Variants in NFIB observed in about 807,000 individuals in gnomAD.
The protein encoded by NFIB is nuclear factor 1 B-type.
A neutral mutation model predicts 61.5 loss-of-function variants in NFIB; 11 were observed. The observed-to-expected ratio is 0.18, with a 90% CI of 0.11 to 0.30. The LOEUF (loss-of-function observed/expected upper bound fraction) is 0.30, where lower values mean the gene tolerates loss of function less well. NFIB is among the 10% of genes least tolerant of loss of function. The pLI, the probability that NFIB is intolerant of heterozygous loss-of-function variation, is 1.00. For missense variants in NFIB, 471 were observed against 608.9 expected (o/e 0.77, Z 2.38); for synonymous variants, 260 against 216.5 (o/e 1.20, Z -1.76).
intron 3 of NFIB, among the ~76,000 whole-genome samples, chr9:14,168,358 G>T (rs1415057501): frequency 1.3e-5 from 2 of 152,176 alleles, no homozygotes; most frequent in Non-Finnish European, 2.9e-5. Flanking sequence ...AGATAAAATA[G>T]TGCACTAAAT....
intron 7 of NFIB, 146 bp downstream of exon 7, chr9:14,125,486 A>G (rs1266542618): frequency 1.1e-5 from 13 of 1,177,824 alleles, no homozygotes; most frequent in Admixed American, 2.4e-5. Context: ...AGAAGAAAAA[A>G]TACTTGATCG....
chr9:14,363,636 C>CATATATATGTGCATGT (rs1554717206), intron 1 of NFIB, among the ~76,000 whole-genome samples: 2 of 121,612 alleles, frequency 1.6e-5, no homozygotes, highest in Non-Finnish European at 3.4e-5. Context: ...TGTACATATA[C>CATATATATGTGCATGT]ATATATATGT....
chr9:14,298,662 GGTGT>G (rs2059580741), intron 2 of NFIB, among the ~76,000 whole-genome samples: 18 of 152,196 alleles, frequency 1.2e-4, no homozygotes, highest in Admixed American at 9.2e-4. Flanking sequence ...TGAATCCACT[GGTGT>G]GTAAAGGGCG....
the NFIB span, among the ~76,000 whole-genome samples, chr9:14,488,994 C>G: frequency 1.3e-5 from 2 of 152,128 alleles, no homozygotes; most frequent in Non-Finnish European, 2.9e-5. Context: ...ACAGCTGTCT[C>G]TTGAAATTGT....
chr9:14,146,722 C>G lies in NFIB; in HGVS notation c.892G>C (p.Ala298Pro). The change falls in exon 6 of 11, where the codon GCT (alanine) becomes CCT (proline). Residue 298 changes from alanine (A) to proline (P), a missense_variant. By Grantham distance (27) the Ala-to-Pro change is conservative (BLOSUM62 -1). This residue lies in a region of NFIB where 372 missense variants were observed against 395.6 expected (regional missense o/e 0.94). Transcript: ENST00000380953. The part of the protein sequence containing the change: ...DFYPSPSSPA[A>P]GSRTWHERDQ... ...CTTTCGTGCCATGTTCGACTTCCAG[C>G]AGCTGGTGAACTTGGAGAGGGGTAA... 1 of 1,612,730 alleles carries G rather than the reference C, an allele frequency of 6.2e-7. No homozygotes were observed. The highest frequency in any genetic ancestry group is 8.5e-7 in the Non-Finnish European group (1 of 1,179,450).
chr9:14,401,150 G>A (rs2061739348), upstream of NFIB, among the ~76,000 whole-genome samples: 1 of 152,162 alleles, frequency 6.6e-6, no homozygotes, highest in Admixed American at 6.5e-5. Flanking sequence ...AAGGCTCATT[G>A]GAGAATAAAC....
chr9:14,217,591 T>A, intron 2 of NFIB, among the ~76,000 whole-genome samples: 1 of 136,170 alleles, frequency 7.3e-6, no homozygotes, highest in East Asian at 2.2e-4. Flanking sequence ...ACCCAGGAAG[T>A]GGAGGTTGCG....
intron 2 of NFIB, among the ~76,000 whole-genome samples, chr9:14,226,246 A>G (rs769392762): frequency 1.2e-4 from 19 of 152,106 alleles, no homozygotes; most frequent in Non-Finnish European, 2.2e-4. Context: ...AGGTAAAACG[A>G]CCATCAACAA....
the NFIB span, among the ~76,000 whole-genome samples, chr9:14,467,416 A>G: frequency 6.6e-6 from 1 of 152,020 alleles, no homozygotes; most frequent in Admixed American, 6.6e-5. Context: ...TGGGTGAGAC[A>G]GTGATTAGAG....
At chr9:14,177,522 T>C (rs2046319058) in intron 3 of NFIB, among the ~76,000 whole-genome samples, 1 of 152,118 alleles carries the variant, frequency 6.6e-6, no homozygotes, top group Admixed American at 6.5e-5. Flanking sequence ...TTCATAGTAT[T>C]ATAATACACA....
intron 2 of NFIB, among the ~76,000 whole-genome samples, chr9:14,216,822 C>T (rs1284420265): frequency 6.6e-6 from 1 of 152,178 alleles, no homozygotes; most frequent in South Asian, 2.1e-4. Context: ...AATAAGCATA[C>T]TTTTCTGATG....
chr9:14,294,626 G>C (rs986286039), intron 2 of NFIB, among the ~76,000 whole-genome samples: 1 of 152,166 alleles, frequency 6.6e-6, no homozygotes, highest in Non-Finnish European at 1.5e-5. Flanking sequence ...TAAAAATTAT[G>C]TGCCAGAATC....
chr9:14,461,322 G>A, the NFIB span, among the ~76,000 whole-genome samples: 1 of 152,210 alleles, frequency 6.6e-6, no homozygotes, highest in African/African-American at 2.4e-5. Context: ...AATGGGAATG[G>A]AGGAACACAG....
At chr9:14,176,499 T>C (rs2046208368) in intron 3 of NFIB, among the ~76,000 whole-genome samples, 1 of 152,044 alleles carries the variant, frequency 6.6e-6, no homozygotes. Flanking sequence ...AAGTCACAAA[T>C]CGTTTAAAGA....
chr9:14,376,838 A>G (rs977118905), intron 1 of NFIB, among the ~76,000 whole-genome samples: 1 of 151,810 alleles, frequency 6.6e-6, no homozygotes, highest in Non-Finnish European at 1.5e-5. Flanking sequence ...ATTTTTTTTA[A>G]AAAAAGAGAG....
intron 2 of NFIB, among the ~76,000 whole-genome samples, chr9:14,210,973 G>A (rs1165335828): frequency 2.0e-5 from 3 of 152,206 alleles, no homozygotes; most frequent in Admixed American, 6.5e-5. Context: ...GGTTGAAACC[G>A]TACTGAATTT....
At chr9:14,260,488 G>A (rs1008543462) in intron 2 of NFIB, among the ~76,000 whole-genome samples, 3 of 152,074 alleles carry the variant, frequency 2.0e-5, no homozygotes, top group East Asian at 3.9e-4. Context: ...TACTTTTGTC[G>A]GACTCCAGGA....
intron 10 of NFIB, 48 bp from the exon 11 acceptor site, chr9:14,088,374 T>G: frequency 6.8e-7 from 1 of 1,474,382 alleles, no homozygotes; most frequent in South Asian, 1.4e-5. Context: ...AAGAAAAAAA[T>G]ACAATGTTAA....
intron 10 of NFIB, among the ~76,000 whole-genome samples, chr9:14,099,250 A>G: frequency 6.6e-6 from 1 of 152,126 alleles, no homozygotes; most frequent in East Asian, 1.9e-4. Context: ...AACAAAAATA[A>G]CCTGTGATAT....
Sources: gnomAD v4.1 joint callset for allele counts (sites outside exome capture counted in the v4.1 genomes callset) on GRCh38, gnomAD v4.1.1 for gene constraint, gnomAD v4.1.1 regional missense constraint, MANE v1.5 for transcripts, NCBI Gene and HGNC (gene_info 2026-07-23, HGNC 2026-07-21) for gene names.